HID1: variants seen among roughly 807,000 people sequenced by gnomAD.
HID1 encodes the protein HID1 domain containing, also known as protein HID1.
A neutral mutation model predicts 89.7 loss-of-function variants in HID1; 42 were observed. The ratio of observed to expected loss-of-function variants is 0.47; its 90% CI spans 0.37 to 0.61. The LOEUF (loss-of-function observed/expected upper bound fraction) is 0.61. Among genes scored for constraint, HID1 ranks in the 20% least tolerant of loss-of-function variants. The pLI is 0.00. For synonymous variants in HID1, 442 were observed against 433.8 expected, an observed-to-expected ratio of 1.02 and a Z score of -0.24; for missense variants, 854 against 1,039.3, an observed-to-expected ratio of 0.82 and a Z score of 2.45.
chr17:74,958,726 A>C lies in HID1; in HGVS notation c.1187T>G (p.Leu396Arg). 1 of 1,605,954 alleles carries C rather than the reference A, an allele frequency of 6.2e-7. No individual in the cohort carries two copies. The stretch of plus-strand genomic sequence containing the variant: ...GAAGAGGATGGGGACAAGGATGTCT[A>C]GGACGTCGCTGCTCTTCAGCACGAA... ...LFFVLKSSDV[L>R]DILVPILFFL... Residue 396 changes from leucine to arginine, a missense_variant, in exon 10 of 19, where the codon CTA (leucine) becomes CGA (arginine). Physicochemically the swap from Leu to Arg is moderately radical, Grantham distance 102. Coordinates refer to ENST00000425042, the MANE Select transcript of HID1 (RefSeq NM_030630.3). The surrounding 1 kb of genome is among the most constrained non-coding windows in gnomAD (Gnocchi z 5.2).
In HID1 at chr17:74,962,125, C is replaced by T; in HGVS notation, c.611+109G>A. 8.7e-7 allele frequency: 1 copy of T among 1,152,860 alleles called. No homozygotes were observed. Among genetic ancestry groups the T allele is most frequent in the Middle Eastern group, 2.4e-4 (1 of 4,220 alleles). The allele number at this position is 1,152,860 out of a possible 1,614,324, so 71.4% of individuals were successfully genotyped here. On this transcript the variant is annotated intron_variant, in intron 5 of 18. Transcript: ENST00000425042. The surrounding 1 kb of genome is among the most constrained non-coding windows in gnomAD (Gnocchi z 4.3). ...GACCCCTGTAAGGTCAAGGTCGGGT[C>T]ATAGGTGAGGACGGTCTTCTGGGAA...
chr17:74,951,917 A>G lies in HID1; in HGVS notation c.2291T>C (p.Val764Ala). The change falls in exon 18 of 19, where the codon GTC becomes GCC. Residue 764 changes from valine to alanine, a missense_variant. Transcript: ENST00000425042. ...CCCCGGGGCCCACCTCAGATAGATG[A>G]CGCCCCACATGTAGGTGCGGAACCA... ...AMWFRTYMWG[V>A]IYLRNVDPPV... The G allele has an allele frequency of 6.5e-7, 1 of 1,530,018 alleles. No homozygotes were observed. 94.8% of individuals were successfully genotyped at this position (1,530,018 alleles called of 1,614,324 possible). A position where few individuals can be genotyped will look rare whatever the true frequency, so the allele number is the denominator to read the frequency against.
intron 17 of HID1, 55 bp downstream of exon 17, chr17:74,952,214 C>T: frequency 3.2e-6 from 5 of 1,552,928 alleles, no homozygotes; most frequent in Non-Finnish European, 4.4e-6. Context: ...CCACCGGCCC[C>T]GCCCACAACC....
intron 6 of HID1, 83 bp downstream of exon 6, chr17:74,961,790 G>T: frequency 1.3e-6 from 1 of 783,490 alleles, no homozygotes; most frequent in Non-Finnish European, 1.9e-6. Context: ...CCTCAAACGA[G>T]ACCCAGAGCT....
intron 15 of HID1, 75 bp from the exon 16 acceptor site, chr17:74,953,161 C>T: frequency 8.2e-7 from 1 of 1,221,626 alleles, no homozygotes; most frequent in Non-Finnish European, 1.1e-6. Flanking sequence ...AATGAGCCCT[C>T]TCCACTGGCA....
intron 13 of HID1, among the ~76,000 whole-genome samples, chr17:74,955,276 G>A (rs1257480343): frequency 2.6e-5 from 4 of 152,178 alleles, no homozygotes; most frequent in Admixed American, 6.5e-5. Flanking sequence ...CAGATGTGGC[G>A]GCTCATGCCT....
In HID1 at chr17:74,958,788, T is replaced by C; in HGVS notation, c.1150-25A>G. On this transcript the variant is annotated intron_variant, in intron 9 of 18. Coordinates refer to ENST00000425042, the MANE Select transcript of HID1 (RefSeq NM_030630.3). The surrounding 1 kb of genome is among the most constrained non-coding windows in gnomAD (Gnocchi z 5.2). The stretch of plus-strand genomic sequence containing the variant: ...TCTAGGGGTGCGGGGAGGGGCCAAG[T>C]GGGCTGAGTTCAAGGGAGGGGCAGC... 6.2e-7 allele frequency: 1 copy of C among 1,610,204 alleles called. No individual in the cohort carries two copies. The highest frequency in any genetic ancestry group is 8.5e-7 in the Non-Finnish European group (1 of 1,177,616).
At chr17:74,954,115 T>A (rs549075805) in intron 14 of HID1, 23 bp downstream of exon 14, 2 of 1,566,376 alleles carry the variant, frequency 1.3e-6, no homozygotes, top group Non-Finnish European at 1.7e-6. Context: ...TCCACACTCC[T>A]GTCCCATCCA....
chr17:74,964,275 A>T (rs2039529283), intron 2 of HID1: 1 of 615,312 alleles, frequency 1.6e-6, no homozygotes, highest in Admixed American at 3.0e-5. Flanking sequence ...GAAGGTGCTC[A>T]GTCAGATGTG....
chr17:74,953,777 G>T (rs1282320140), intron 14 of HID1, 126 bp from the exon 15 acceptor site: 5 of 741,866 alleles, frequency 6.7e-6, no homozygotes, highest in Admixed American at 2.2e-5. Context: ...ACCGGCTCTA[G>T]AGGCAGTGTC....
At chr17:74,957,414 T>C (rs572142279) in intron 12 of HID1, among the ~76,000 whole-genome samples, 56 of 150,870 alleles carry the variant, frequency 3.7e-4, no homozygotes, top group Non-Finnish European at 7.4e-4. Flanking sequence ...ACCTGGGAGG[T>C]TGCAGTGAAT....
chr17:74,972,613 A>G lies in HID1; in HGVS notation c.44T>C (p.Ile15Thr). Residue 15 changes from isoleucine (I) to threonine (T), a missense_variant, in exon 1 of 19, where the codon ATC becomes ACC. Physicochemically the swap from Ile to Thr is moderately conservative, Grantham distance 89. Coordinates refer to ENST00000425042, the MANE Select transcript of HID1 (RefSeq NM_030630.3). The surrounding 1 kb of genome is among the most constrained non-coding windows in gnomAD (Gnocchi z 6.4). ...DSKLNFRKAV[I>T]QLTTKTQPVE... ...CACCTGCGTCTTGGTGGTGAGCTGG[A>G]TCACCGCCTTCCGGAAGTTCAGCTT... 3.9e-6 allele frequency: 6 copies of G among 1,548,304 alleles called. No homozygotes were observed. The highest frequency in any genetic ancestry group is 5.2e-6 in the Non-Finnish European group (6 of 1,145,518).
At chr17:74,952,784 T>C (rs975208435) in intron 16 of HID1, among the ~76,000 whole-genome samples, 16 of 152,100 alleles carry the variant, frequency 1.1e-4, no homozygotes, top group Non-Finnish European at 1.9e-4. Flanking sequence ...GGCAACAGTG[T>C]AGACAGAGGA....
chr17:74,963,907 C>T lies in HID1; in HGVS notation c.220G>A (p.Val74Ile), dbSNP rs375554232. Residue 74 changes from valine (V) to isoleucine (I), a missense_variant, in exon 3 of 19, where the codon GTT (valine) becomes ATT (isoleucine). Val to Ile is a conservative substitution (Grantham distance 29, BLOSUM62 3). Coordinates refer to ENST00000425042, the MANE Select transcript of HID1 (RefSeq NM_030630.3). ...SNLATLCYKA[V>I]EKLVQGAESG... ...TCAGCTCCCTGCACCAGCTTCTCAA[C>T]GGCCTGTGGGGGCAGGCAGGAGCAG... 61 of 1,613,676 alleles carry T rather than the reference C, an allele frequency of 3.8e-5. No individual in the cohort carries two copies. The highest frequency in any genetic ancestry group is 5.5e-5 in the South Asian group (5 of 91,084).
In HID1 at chr17:74,962,234, C is replaced by A; in HGVS notation, c.611G>T (p.Arg204Leu). The A allele has an allele frequency of 1.2e-6, 2 of 1,602,598 alleles. No individual in the cohort carries two copies. The highest frequency in any genetic ancestry group is 1.7e-6 in the Non-Finnish European group (2 of 1,171,222). Residue 204 changes from arginine to leucine, a missense_variant and splice_region_variant, in exon 5 of 19, where the codon CGG (arginine) becomes CTG (leucine). Arg to Leu is a moderately radical substitution (Grantham distance 102, BLOSUM62 -2). Coordinates refer to ENST00000425042, the MANE Select transcript of HID1 (RefSeq NM_030630.3). This position sits in a 1 kb window ranked among gnomAD's most constrained non-coding sequence, Gnocchi z 4.3. ...PQPNYIHDMN[R>L]MELLKLLLTC... ...GGCTCCGGGCCTGGGCGAAGCTCAC[C>A]GGTTCATATCGTGGATGTAGTTAGG...
At chr17:74,960,272 T>A in intron 6 of HID1, 24 bp from the exon 7 acceptor site, 1 of 1,586,176 alleles carries the variant, frequency 6.3e-7, no homozygotes, top group South Asian at 1.1e-5. Context: ...GGGACAAGGC[T>A]GCAGAGGCTG....
chr17:74,962,317 G>A lies in HID1; in HGVS notation c.528C>T (p.Ser176=), dbSNP rs200705718. 1.2e-6 allele frequency: 2 copies of A among 1,611,434 alleles called. No individual in the cohort carries two copies. The highest frequency in any genetic ancestry group is 1.7e-6 in the Non-Finnish European group (2 of 1,178,050). The part of the protein sequence containing the change: ...STVDSAEDVH[S]LDSCEYIWEA... ...CCCAGATGTATTCACAGCTGTCCAGGGAGTGGACGTCCTCTGCCGAGTCCT... is the reference window on the plus strand; with the variant it reads ...CCCAGATGTATTCACAGCTGTCCAGAGAGTGGACGTCCTCTGCCGAGTCCT... The change falls in exon 5 of 19, where the codon TCC becomes TCT. Residue 176 remains serine (S), a synonymous_variant. Transcript: ENST00000425042. This position sits in a 1 kb window ranked among gnomAD's most constrained non-coding sequence, Gnocchi z 4.3.
intron 17 of HID1, 87 bp downstream of exon 17, chr17:74,952,182 G>T (rs2039312581): frequency 1.3e-5 from 20 of 1,519,680 alleles, no homozygotes; most frequent in South Asian, 7.0e-5. Context: ...GGCTGGCCCC[G>T]CCCAGAGCCC....
intron 12 of HID1, among the ~76,000 whole-genome samples, chr17:74,956,661 C>T (rs2039395117): frequency 6.6e-6 from 1 of 152,212 alleles, no homozygotes; most frequent in South Asian, 2.1e-4. Flanking sequence ...CCTCTACCAC[C>T]GCACACTACC....
Sources: allele counts gnomAD v4.1 joint callset (sites outside exome capture counted in the v4.1 genomes callset), GRCh38; gene constraint gnomAD v4.1.1; non-coding constraint Gnocchi (gnomAD v3.1); transcripts MANE v1.5; gene names NCBI Gene and HGNC (gene_info 2026-07-23, HGNC 2026-07-21).